Variants in ALOX5AP observed in about 807,000 individuals in gnomAD.
The protein encoded by ALOX5AP is arachidonate 5-lipoxygenase-activating protein.
Under a neutral mutation model 18.5 loss-of-function variants are expected in ALOX5AP, and 9 were observed. The ratio of observed to expected loss-of-function variants is 0.49; its 90% CI spans 0.29 to 0.85. The LOEUF (loss-of-function observed/expected upper bound fraction) is 0.85, where lower values mean the gene tolerates loss of function less well. Ranked by LOEUF, ALOX5AP falls within the 40% of genes least tolerant of loss-of-function variation. The pLI is 0.08. For missense variants in ALOX5AP, 172 were observed against 202.5 expected, an observed-to-expected ratio of 0.85 and a Z score of 0.91; for synonymous variants, 81 against 78.6, an observed-to-expected ratio of 1.03 and a Z score of -0.16.
At chr13:30,752,015 C>A in intron 2 of ALOX5AP, 37 bp from the exon 3 acceptor site, 1 of 1,598,918 alleles carries the variant, frequency 6.3e-7, no homozygotes, top group South Asian at 1.1e-5. Context: ...CTAACTTGGT[C>A]TCTGATTGTT....
chr13:30,763,553 G>C (rs182519338), intron 4 of ALOX5AP, among the ~76,000 whole-genome samples: 3 of 152,302 alleles, frequency 2.0e-5, no homozygotes, highest in Non-Finnish European at 2.9e-5. Context: ...ACACGTGTCT[G>C]TCGTTATGGG....
chr13:30,728,847 C>A (rs896797998), intron 1 of ALOX5AP, among the ~76,000 whole-genome samples: 1 of 152,126 alleles, frequency 6.6e-6, no homozygotes, highest in Non-Finnish European at 1.5e-5. Flanking sequence ...GAAAGCTGGT[C>A]TCTAAAAAAC....
chr13:30,744,117 A>G lies in ALOX5AP; in HGVS notation c.128A>G (p.Gln43Arg). 1.2e-6 allele frequency: 2 copies of G among 1,614,162 alleles called. No individual in the cohort carries two copies. The highest frequency in any genetic ancestry group is 1.7e-6 in the Non-Finnish European group (2 of 1,179,986). ...ESRTQNGRSF[Q>R]RTGTLAFERV... ...AGGACCCAGAATGGGAGGAGCTTCC[A>G]GAGGACCGGAACACTTGCCTTTGAG... Residue 43 changes from glutamine to arginine, a missense_variant, in exon 2 of 5, where the codon CAG (glutamine) becomes CGG (arginine). Physicochemically the swap from Gln to Arg is conservative, Grantham distance 43. Transcript: ENST00000380490.
chr13:30,755,714 CCCG>C lies in ALOX5AP; in HGVS notation c.242-228_242-226del, dbSNP rs371843746. ...CAAAGCCATCCTGGGCCACGTGCGA[CCCG>C]CAGGCTCCGGGTTGGACAAGTTTGT... On this transcript the variant is annotated intron_variant, in intron 3 of 4. Coordinates refer to ENST00000380490, the MANE Select transcript of ALOX5AP (RefSeq NM_001629.4). 3.9e-5 allele frequency among the ~76,000 whole-genome samples: 6 copies of C among 152,344 alleles called. No homozygotes were observed. In the East Asian group the frequency reaches 9.6e-4, roughly 24 times the overall value.
At chr13:30,755,312 G>A (rs893731199) in intron 3 of ALOX5AP, among the ~76,000 whole-genome samples, 1 of 152,228 alleles carries the variant, frequency 6.6e-6, no homozygotes, top group Non-Finnish European at 1.5e-5. Context: ...AGGCTCAGGG[G>A]TGAAGGGTGT....
intron 4 of ALOX5AP, among the ~76,000 whole-genome samples, chr13:30,756,439 T>G (rs1329011276): frequency 1.3e-5 from 2 of 152,144 alleles, no homozygotes; most frequent in Non-Finnish European, 2.9e-5. Flanking sequence ...GCTTGCACCT[T>G]GTGATAAGTT....
At chr13:30,741,538 A>G (rs1337560045) in intron 1 of ALOX5AP, among the ~76,000 whole-genome samples, 1 of 86,874 alleles carries the variant, frequency 1.2e-5, no homozygotes, top group Non-Finnish European at 2.4e-5. Context: ...CTAGGATTAC[A>G]GGCCCCTCCC....
At chr13:30,739,673 C>A (rs1951747394) in intron 1 of ALOX5AP, among the ~76,000 whole-genome samples, 1 of 152,292 alleles carries the variant, frequency 6.6e-6, no homozygotes, top group South Asian at 2.1e-4. Flanking sequence ...GACCTCAAGT[C>A]ATCCTCCTGC....
At chr13:30,744,715 G>A (rs17239109) in intron 2 of ALOX5AP, among the ~76,000 whole-genome samples, 1,857 of 152,316 alleles carry the variant, frequency 0.012, 43 homozygotes, top group African/African-American at 0.043. Flanking sequence ...TGAATAAAAA[G>A]GTTGTTTGAA....
intron 1 of ALOX5AP, among the ~76,000 whole-genome samples, chr13:30,715,064 C>T (rs1015747112): frequency 6.6e-6 from 1 of 152,188 alleles, no homozygotes; most frequent in African/African-American, 2.4e-5. Context: ...CTTGCTCCTT[C>T]TCCAGGTCAA....
intron 2 of ALOX5AP, among the ~76,000 whole-genome samples, chr13:30,747,408 G>A (rs1450539584): frequency 6.6e-6 from 1 of 152,136 alleles, no homozygotes; most frequent in Non-Finnish European, 1.5e-5. Flanking sequence ...CCTGACCTCA[G>A]GTTATCCACC....
At chr13:30,761,853 A>G (rs1951944710) in intron 4 of ALOX5AP, among the ~76,000 whole-genome samples, 2 of 152,136 alleles carry the variant, frequency 1.3e-5, no homozygotes, top group African/African-American at 4.8e-5. Context: ...ATTTTACCTT[A>G]ATTATCTCTT....
At chr13:30,722,030 A>G (rs1951598137) in intron 1 of ALOX5AP, among the ~76,000 whole-genome samples, 1 of 152,262 alleles carries the variant, frequency 6.6e-6, no homozygotes, top group African/African-American at 2.4e-5. Context: ...TCAAGGCAGT[A>G]AAGTGCCCGG....
intron 1 of ALOX5AP, among the ~76,000 whole-genome samples, chr13:30,742,998 T>C (rs1033695112): frequency 3.3e-5 from 5 of 151,904 alleles, no homozygotes; most frequent in African/African-American, 1.2e-4. Context: ...TTCTGCTAAG[T>C]TCCTGCCACA....
intron 1 of ALOX5AP, among the ~76,000 whole-genome samples, chr13:30,717,788 T>C (rs987682661): frequency 1.1e-4 from 16 of 152,024 alleles, no homozygotes; most frequent in African/African-American, 3.6e-4. Context: ...CTTGGGTTTT[T>C]ATGGAAGCTT....
chr13:30,736,595 T>G (rs1451424706), intron 1 of ALOX5AP, among the ~76,000 whole-genome samples: 1 of 152,202 alleles, frequency 6.6e-6, no homozygotes, highest in Non-Finnish European at 1.5e-5. Context: ...GAACTTTGAG[T>G]ATTTAATCAC....
chr13:30,761,379 C>T (rs981934599), intron 4 of ALOX5AP, among the ~76,000 whole-genome samples: 13 of 152,170 alleles, frequency 8.5e-5, no homozygotes, highest in East Asian at 5.8e-4. Context: ...AAAACAGCTT[C>T]GCAAATCACT....
chr13:30,759,604 C>G (rs1951924512), intron 4 of ALOX5AP, among the ~76,000 whole-genome samples: 1 of 152,162 alleles, frequency 6.6e-6, no homozygotes, highest in Non-Finnish European at 1.5e-5. Context: ...AATCATAGAC[C>G]TAGTTCTCAA....
intron 4 of ALOX5AP, among the ~76,000 whole-genome samples, chr13:30,762,749 T>C (rs2137835376): frequency 6.6e-6 from 1 of 152,324 alleles, no homozygotes; most frequent in East Asian, 1.9e-4. Context: ...AGTTAGCTGT[T>C]GGGCTGAGCT....
Sources: gnomAD v4.1 joint callset for allele counts (sites outside exome capture counted in the v4.1 genomes callset) on GRCh38, gnomAD v4.1.1 for gene constraint, MANE v1.5 for transcripts, NCBI Gene and HGNC (gene_info 2026-07-23, HGNC 2026-07-21) for gene names.